Variants in ANO10 observed in about 807,000 individuals in gnomAD.
ANO10 encodes the protein anoctamin-10.
In ANO10, 77 loss-of-function variants were observed where a neutral mutation model predicts 74.7. The ratio of observed to expected loss-of-function variants is 1.03; its 90% CI spans 0.86 to 1.25. ANO10 has a LOEUF of 1.25. Among genes scored for constraint, ANO10 ranks in the 50% most tolerant of loss-of-function variants. The pLI is 0.00. For synonymous variants in ANO10, 279 were observed against 284.9 expected, an observed-to-expected ratio of 0.98 and a Z score of 0.21; for missense variants, 721 against 778.1, an observed-to-expected ratio of 0.93 and a Z score of 0.87.
At chr3:43,382,531 A>AG (rs896929308) in intron 12 of ANO10, among the ~76,000 whole-genome samples, 2 of 151,988 alleles carry the variant, frequency 1.3e-5, no homozygotes, top group African/African-American at 4.8e-5. Flanking sequence ...AAAAAAAAAA[A>AG]AAGAAATAAC....
chr3:43,436,206 GA>G (rs773440821), intron 11 of ANO10, among the ~76,000 whole-genome samples: 62 of 151,980 alleles, frequency 4.1e-4, no homozygotes, highest in Non-Finnish European at 8.2e-4. Flanking sequence ...TCAAGGCTGG[GA>G]ACTGCTTTAT....
At chr3:43,412,701 C>CA (rs2092684065) in intron 12 of ANO10, among the ~76,000 whole-genome samples, 5 of 151,832 alleles carry the variant, frequency 3.3e-5, no homozygotes, top group South Asian at 4.2e-4. Context: ...GCTATGATCT[C>CA]AAAAAAAATC....
intron 12 of ANO10, among the ~76,000 whole-genome samples, chr3:43,422,420 T>G (rs2092834026): frequency 6.6e-6 from 1 of 152,218 alleles, no homozygotes; most frequent in Non-Finnish European, 1.5e-5. Context: ...CACCCTTTTT[T>G]GTTGTTTTTA....
chr3:43,665,333 A>G (rs1009190387), intron 1 of ANO10, among the ~76,000 whole-genome samples: 1 of 152,122 alleles, frequency 6.6e-6, no homozygotes, highest in Non-Finnish European at 1.5e-5. Flanking sequence ...ATGAGAACAC[A>G]TGGACACAGG....
intron 1 of ANO10, among the ~76,000 whole-genome samples, chr3:43,628,638 T>A (rs2083515119): frequency 6.6e-6 from 1 of 152,104 alleles, no homozygotes; most frequent in Non-Finnish European, 1.5e-5. Context: ...GGAAGAAATA[T>A]CCCTGAATTC....
chr3:43,413,692 T>C (rs78131568), intron 12 of ANO10, among the ~76,000 whole-genome samples: 24,733 of 148,320 alleles, frequency 0.17, 2,229 homozygotes, highest in Admixed American at 0.22. Flanking sequence ...CCATCTAGTA[T>C]GTCAACATTT....
intron 11 of ANO10, among the ~76,000 whole-genome samples, chr3:43,532,208 G>A (rs1248734243): frequency 2.0e-5 from 3 of 152,218 alleles, no homozygotes. Context: ...TCTAAATAAA[G>A]AGGCAATAGT....
At chr3:43,452,045 T>G (rs2074902093) in intron 11 of ANO10, among the ~76,000 whole-genome samples, 1 of 152,222 alleles carries the variant, frequency 6.6e-6, no homozygotes, top group Admixed American at 6.5e-5. Flanking sequence ...GATTAGTTAC[T>G]AATAAAATAG....
In ANO10 at chr3:43,577,233, T is replaced by C. The variant is rs754928302; in HGVS notation, c.621A>G (p.Thr207=). 3.1e-6 allele frequency: 5 copies of C among 1,614,078 alleles called. No homozygotes were observed. The highest frequency in any genetic ancestry group is 3.4e-6 in the Non-Finnish European group (4 of 1,180,008). ...CCAAAAATCCAAAGTACAGAGCAAT[T>C]GTTTCCCCAAAGTAGCCACGAATAC... ...IDSIRGYFGE[T]IALYFGFLEY... Residue 207 remains threonine (T), a synonymous_variant, in exon 6 of 13, where the codon ACA becomes ACG. Coordinates refer to ENST00000292246, the MANE Select transcript of ANO10 (RefSeq NM_018075.5).
intron 1 of ANO10, among the ~76,000 whole-genome samples, chr3:43,636,095 A>G (rs2083607501): frequency 6.6e-6 from 1 of 152,214 alleles, no homozygotes; most frequent in Non-Finnish European, 1.5e-5. Context: ...ACCCTGAAAC[A>G]AAGATTCAAG....
At chr3:43,614,784 T>TATATATATATATATA (rs1343036856) in intron 1 of ANO10, among the ~76,000 whole-genome samples, 4 of 128,656 alleles carry the variant, frequency 3.1e-5, no homozygotes, top group African/African-American at 1.1e-4. Flanking sequence ...TATATATATA[T>TATATATATATATATA]ATATATATAT....
At chr3:43,437,480 C>T (rs1354094586) in intron 11 of ANO10, among the ~76,000 whole-genome samples, 1 of 152,120 alleles carries the variant, frequency 6.6e-6, no homozygotes, top group African/African-American at 2.4e-5. Flanking sequence ...TTTCAGAGGA[C>T]CGCCTGAGGG....
chr3:43,584,486 C>A (rs986792296), intron 4 of ANO10, among the ~76,000 whole-genome samples: 3 of 152,134 alleles, frequency 2.0e-5, no homozygotes, highest in Admixed American at 1.3e-4. Flanking sequence ...TGTATGGGAG[C>A]CACCGGACTA....
intron 11 of ANO10, among the ~76,000 whole-genome samples, chr3:43,522,501 C>A (rs1175934078): frequency 6.6e-6 from 1 of 152,072 alleles, no homozygotes; most frequent in Non-Finnish European, 1.5e-5. Context: ...ACCTACAAAC[C>A]AAGAGCTTCA....
chr3:43,461,471 C>T (rs189584837), intron 11 of ANO10, among the ~76,000 whole-genome samples: 34 of 152,268 alleles, frequency 2.2e-4, no homozygotes, highest in Non-Finnish European at 2.9e-4. Flanking sequence ...TGTCCCCACC[C>T]GAATCTCATC....
rs1224009083 is a variant in ANO10, at chr3:43,572,993, G to A, written c.1218+1816C>T. ...GTGGAGGAAGAAGACTTTAACCAACGGCTTTTTTTTTTTTTTACAAGGAAG... is the reference window on the plus strand; with the variant it reads ...GTGGAGGAAGAAGACTTTAACCAACAGCTTTTTTTTTTTTTTACAAGGAAG... On this transcript the variant is annotated intron_variant, in intron 7 of 12. Transcript: ENST00000292246. Among the ~76,000 whole-genome samples, 5 of 151,234 alleles carry A rather than the reference G, an allele frequency of 3.3e-5. No homozygotes were observed. In the East Asian group the frequency reaches 7.7e-4, roughly 23 times the overall value.
chr3:43,553,809 A>G (rs2079603534), intron 10 of ANO10, among the ~76,000 whole-genome samples: 1 of 152,186 alleles, frequency 6.6e-6, no homozygotes, highest in East Asian at 1.9e-4. Context: ...TGCTGGGATT[A>G]CAGGCGTGAG....
intron 8 of ANO10, among the ~76,000 whole-genome samples, chr3:43,562,449 C>G (rs1381199792): frequency 8.0e-5 from 1 of 12,576 alleles, no homozygotes; most frequent in Non-Finnish European, 1.4e-4. Flanking sequence ...GAGGCTCTGT[C>G]TCAAACAAAA....
chr3:43,505,578 A>G (rs1410106628), intron 11 of ANO10, among the ~76,000 whole-genome samples: 3 of 152,260 alleles, frequency 2.0e-5, no homozygotes, highest in African/African-American at 7.2e-5. Context: ...CAGGAATGAT[A>G]TAACACATTT....
Sources: allele counts gnomAD v4.1 joint callset (sites outside exome capture counted in the v4.1 genomes callset), GRCh38; gene constraint gnomAD v4.1.1; transcripts MANE v1.5; gene names NCBI Gene and HGNC (gene_info 2026-07-23, HGNC 2026-07-21).